The following FAAH2 variants were observed in gnomAD, a reference collection of about 807,000 sequenced individuals.
The protein encoded by FAAH2 is fatty-acid amide hydrolase 2.
In FAAH2, 60 loss-of-function variants were observed where a neutral mutation model predicts 36.9. The observed-to-expected ratio is 1.63, with a 90% CI of 1.32 to 2.02. FAAH2 has a LOEUF of 2.02. FAAH2 is among the 30% of genes most tolerant of loss of function. FAAH2 has a pLI of 0.00. For missense variants in FAAH2, 689 were observed against 397.5 expected (o/e 1.73, Z -6.23); for synonymous variants, 214 against 143.8 (o/e 1.49, Z -3.49).
At chrX:57,370,757 T>C (rs1368602852) in intron 5 of FAAH2, among the ~76,000 whole-genome samples, 5 of 111,810 alleles carry the variant, frequency 4.5e-5, no homozygotes, top group Admixed American at 1.9e-4. Flanking sequence ...TAGATTCTCA[T>C]AGGAGCATGA....
At chrX:57,404,785 C>T (rs983547484) in intron 7 of FAAH2, among the ~76,000 whole-genome samples, 1 of 111,786 alleles carries the variant, frequency 8.9e-6, no homozygotes. Context: ...TCAGGAAAGT[C>T]GTGGTCCAGA....
At position 57,340,131 on chromosome X, in the gene FAAH2, C is replaced by G. The variant is rs147860587; in HGVS notation, c.623-1140C>G. Among the ~76,000 whole-genome samples, 87 of 112,040 alleles carry G rather than the reference C, an allele frequency of 7.8e-4. 2 individuals carry two copies. The East Asian group carries it at 0.022, about 28-fold the overall frequency. On this transcript the variant is annotated intron_variant, in intron 4 of 10. Coordinates refer to ENST00000374900, the MANE Select transcript of FAAH2 (RefSeq NM_174912.4). ...AGGCCCAAGAGCCCCCGGCAAACCACTTGTGTGAGTCCGAGCGTCCAAAAG... is the reference window on the plus strand; with the variant it reads ...AGGCCCAAGAGCCCCCGGCAAACCAGTTGTGTGAGTCCGAGCGTCCAAAAG...
chrX:57,255,595 T>C, the FAAH2 span, among the ~76,000 whole-genome samples: 1 of 112,052 alleles, frequency 8.9e-6, no homozygotes, highest in African/African-American at 3.2e-5. Flanking sequence ...GTAGGCTTCA[T>C]TCCTGGGATG....
chrX:57,164,022 G>T, the FAAH2 span, among the ~76,000 whole-genome samples: 4 of 112,248 alleles, frequency 3.6e-5, no homozygotes, highest in African/African-American at 9.7e-5. Context: ...AGGCAATAGG[G>T]GCTCAAAGGA....
Position 57,417,758 on chromosome X carries a change from G to A in FAAH2, c.997-14160G>A, listed in dbSNP as rs187526083. Among the ~76,000 whole-genome samples, 7 of 112,047 alleles carry A rather than the reference G, an allele frequency of 6.2e-5. No homozygotes were observed. In the East Asian group the frequency reaches 1.1e-3, roughly 18 times the overall value. On this transcript the variant is annotated intron_variant, in intron 7 of 10. Coordinates refer to ENST00000374900, the MANE Select transcript of FAAH2 (RefSeq NM_174912.4). The stretch of plus-strand genomic sequence containing the variant: ...TGTCTCTTAGCAGAGCTCTAGTGCT[G>A]TTCTGGGAGATCTGCTGCTCTCTTC...
chrX:57,261,104 A>T, the FAAH2 span, among the ~76,000 whole-genome samples: 3 of 111,948 alleles, frequency 2.7e-5, no homozygotes, highest in Admixed American at 1.9e-4. Context: ...ATAAAATTAC[A>T]CTTGTAATTA....
chrX:57,124,617 T>C, the FAAH2 span, among the ~76,000 whole-genome samples: 1 of 112,018 alleles, frequency 8.9e-6, no homozygotes, highest in Non-Finnish European at 1.9e-5. Flanking sequence ...TTCACGATAT[T>C]GATTCTTCCT....
the FAAH2 span, among the ~76,000 whole-genome samples, chrX:57,280,948 C>T: frequency 8.9e-6 from 1 of 111,988 alleles, no homozygotes; most frequent in African/African-American, 3.2e-5. Context: ...AGTGATTGTG[C>T]AGAGTGAAAG....
chrX:57,420,066 C>A (rs909177638), intron 7 of FAAH2, among the ~76,000 whole-genome samples: 3 of 111,425 alleles, frequency 2.7e-5, no homozygotes, highest in Non-Finnish European at 5.6e-5. Context: ...CTGTTCTTTT[C>A]CATTGATATA....
At position 57,378,732 on chromosome X, in the gene FAAH2, A is replaced by G; in HGVS notation, c.824A>G (p.Tyr275Cys). The change falls in exon 6 of 11, where the codon TAT (tyrosine) becomes TGT (cysteine). Residue 275 changes from tyrosine to cysteine, a missense_variant. Tyr to Cys is a radical substitution (Grantham distance 194, BLOSUM62 -2). Transcript: ENST00000374900. ...LFLCTGPMCR[Y>C]AEDLAPMLKV... ...CTGTGCACTGGTCCTATGTGCCGTT[A>G]TGCTGAAGACCTGGCCCCCATGTTG... is the stretch of plus-strand genomic sequence containing the variant. The G allele has an allele frequency of 8.3e-7, 1 of 1,210,852 alleles. No homozygotes were observed.
At chrX:57,186,464 C>T in the FAAH2 span, among the ~76,000 whole-genome samples, 1 of 111,645 alleles carries the variant, frequency 9.0e-6, no homozygotes, top group Non-Finnish European at 1.9e-5. Context: ...TGATATTAGA[C>T]CTTTTTCACA....
chrX:57,404,064 C>T (rs923585454), intron 7 of FAAH2, among the ~76,000 whole-genome samples: 1 of 112,365 alleles, frequency 8.9e-6, no homozygotes, highest in African/African-American at 3.2e-5. Flanking sequence ...GTTGCTGCTA[C>T]AGAATGAATG....
chrX:57,318,145 C>T (rs778141062), intron 3 of FAAH2, among the ~76,000 whole-genome samples: 3 of 111,165 alleles, frequency 2.7e-5, no homozygotes, highest in Non-Finnish European at 5.7e-5. Context: ...TAGCAGAAGA[C>T]ATGAAATAAC....
chrX:57,201,605 C>T, the FAAH2 span, among the ~76,000 whole-genome samples: 3 of 111,458 alleles, frequency 2.7e-5, no homozygotes, highest in African/African-American at 9.8e-5. Flanking sequence ...TGTTCTGTAA[C>T]CTTTTTGTAG....
At chrX:57,281,430 A>T in the FAAH2 span, among the ~76,000 whole-genome samples, 1 of 112,011 alleles carries the variant, frequency 8.9e-6, no homozygotes, top group Non-Finnish European at 1.9e-5. Context: ...TTACTAAGAC[A>T]TACATTTGTT....
the FAAH2 span, among the ~76,000 whole-genome samples, chrX:57,270,136 G>T: frequency 9.0e-6 from 1 of 111,269 alleles, no homozygotes; most frequent in Non-Finnish European, 1.9e-5. Flanking sequence ...CCAAATTCCT[G>T]GACAAATACA....
chrX:57,209,674 G>A, the FAAH2 span, among the ~76,000 whole-genome samples: 1 of 111,461 alleles, frequency 9.0e-6, no homozygotes, highest in Non-Finnish European at 1.9e-5. Context: ...CACTTTTTTA[G>A]CTACCATGGC....
chrX:57,297,404 G>A (rs181801064), intron 2 of FAAH2, among the ~76,000 whole-genome samples: 1 of 110,774 alleles, frequency 9.0e-6, no homozygotes, highest in East Asian at 2.8e-4. Flanking sequence ...AGCAAATGCT[G>A]AGAGATTTTG....
chrX:57,184,820 A>G, the FAAH2 span, among the ~76,000 whole-genome samples: 1 of 112,424 alleles, frequency 8.9e-6, no homozygotes, highest in East Asian at 2.8e-4. Context: ...AGAAAAAGAG[A>G]AAAGGTTTTC....
Sources: gnomAD v4.1 joint callset for allele counts (sites outside exome capture counted in the v4.1 genomes callset) on GRCh38, gnomAD v4.1.1 for gene constraint, MANE v1.5 for transcripts, NCBI Gene and HGNC (gene_info 2026-07-23, HGNC 2026-07-21) for gene names.